The following RAB2A variants were observed in gnomAD, a reference collection of about 807,000 sequenced individuals.
RAB2A encodes RAB2A, member RAS oncogene family.
A neutral mutation model predicts 32.5 loss-of-function variants in RAB2A; 7 were observed. The observed-to-expected ratio is 0.22, with a 90% CI of 0.12 to 0.40. RAB2A has a LOEUF of 0.40. Among genes scored for constraint, RAB2A ranks in the 10% least tolerant of loss-of-function variants. RAB2A has a pLI of 1.00. For synonymous variants in RAB2A, 79 were observed against 85.2 expected (o/e 0.93, Z 0.40); for missense variants, 108 against 260.7 (o/e 0.41, Z 4.03).
At chr8:60,620,280 A>C (rs1281494518) in intron 7 of RAB2A, among the ~76,000 whole-genome samples, 1 of 152,264 alleles carries the variant, frequency 6.6e-6, no homozygotes, top group Non-Finnish European at 1.5e-5. Flanking sequence ...CAGCTGATTC[A>C]ACATGGAACA....
rs62510249 is a variant in RAB2A at position 60,573,071 on chromosome 8, C to G, written c.186+958C>G. ...ATTGAAGTATATTAAGAAAATCCAG[C>G]CTCACACAAATAGTTGGGAAATGGA... On this transcript the variant is annotated intron_variant, in intron 3 of 7. Coordinates refer to ENST00000262646, the MANE Select transcript of RAB2A (RefSeq NM_002865.3). Among the ~76,000 whole-genome samples the G allele has an allele frequency of 6.3e-3, 655 of 104,420 alleles. 4 individuals are homozygous for G. Among genetic ancestry groups the G allele is most frequent in the Middle Eastern group, 0.011 (2 of 180 alleles). 68.5% of individuals were successfully genotyped at this position (104,420 alleles called of 152,430 possible). A position where few individuals can be genotyped will look rare whatever the true frequency, so the allele number is the denominator to read the frequency against.
chr8:60,603,651 T>C (rs1804175804), intron 6 of RAB2A, among the ~76,000 whole-genome samples: 1 of 152,148 alleles, frequency 6.6e-6, no homozygotes, highest in African/African-American at 2.4e-5. Flanking sequence ...CTCAAGGAAA[T>C]GAAGCACCCA....
intron 3 of RAB2A, among the ~76,000 whole-genome samples, chr8:60,573,550 G>GT (rs1361224909): frequency 6.6e-6 from 1 of 152,000 alleles, no homozygotes; most frequent in Non-Finnish European, 1.5e-5. Flanking sequence ...GGGTTCTTGT[G>GT]TTTTTTTGCC....
chr8:60,539,571 G>A (rs1807607346), intron 1 of RAB2A, among the ~76,000 whole-genome samples: 1 of 152,170 alleles, frequency 6.6e-6, no homozygotes. Context: ...GAAGGCATAA[G>A]TTCACCAAAT....
chr8:60,522,243 C>T (rs1003556979), intron 1 of RAB2A, among the ~76,000 whole-genome samples: 7 of 152,170 alleles, frequency 4.6e-5, no homozygotes, highest in African/African-American at 1.7e-4. Flanking sequence ...CAGTAGAGGT[C>T]AGGGACTATT....
chr8:60,538,225 T>TA (rs1366539064), intron 1 of RAB2A, among the ~76,000 whole-genome samples: 1 of 152,206 alleles, frequency 6.6e-6, no homozygotes, highest in Non-Finnish European at 1.5e-5. Flanking sequence ...TTTGCAAAAA[T>TA]ACTGCACTTG....
At chr8:60,574,483 C>T (rs1265191043) in intron 3 of RAB2A, among the ~76,000 whole-genome samples, 1 of 152,128 alleles carries the variant, frequency 6.6e-6, no homozygotes. Flanking sequence ...TAAAGTACAT[C>T]GTTTTGAAAA....
chr8:60,530,144 C>CTTT (rs1270851648), intron 1 of RAB2A, among the ~76,000 whole-genome samples: 5 of 104,146 alleles, frequency 4.8e-5, no homozygotes, highest in Non-Finnish European at 8.0e-5. Flanking sequence ...ATTTTTTTTT[C>CTTT]TTTTTTTTTT....
chr8:60,540,996 G>A (rs542236335), intron 1 of RAB2A, among the ~76,000 whole-genome samples: 1 of 152,150 alleles, frequency 6.6e-6, no homozygotes, highest in Non-Finnish European at 1.5e-5. Flanking sequence ...GGAAAAGAGG[G>A]GGAAAGTTCC....
chr8:60,595,506 A>C (rs1482567609), intron 6 of RAB2A, among the ~76,000 whole-genome samples: 1 of 152,240 alleles, frequency 6.6e-6, no homozygotes, highest in Non-Finnish European at 1.5e-5. Context: ...TAAGAAACTC[A>C]CTCCAAATAC....
intron 1 of RAB2A, among the ~76,000 whole-genome samples, chr8:60,523,950 A>G (rs1317334105): frequency 6.6e-6 from 1 of 151,930 alleles, no homozygotes; most frequent in Non-Finnish European, 1.5e-5. Flanking sequence ...TCGGCCTCCA[A>G]ATTTTTGCTT....
chr8:60,545,185 C>A (rs1807708669), intron 1 of RAB2A, among the ~76,000 whole-genome samples: 3 of 151,374 alleles, frequency 2.0e-5, no homozygotes, highest in Admixed American at 2.0e-4. Context: ...TACCCAGCAC[C>A]TACTCGTATT....
Position 60,517,147 on chromosome 8 carries a change from G to T in RAB2A, c.-61G>T, listed in dbSNP as rs79202491. The T allele has an allele frequency of 1.5e-4, 218 of 1,452,526 alleles. No homozygotes were observed. The African/African-American group carries it at 2.8e-3, about 19-fold the overall frequency. 90.0% of individuals were successfully genotyped at this position (1,452,526 alleles called of 1,614,324 possible). ...GGCTGAGCGGCACCGGGGTTGGGGC[G>T]CGGAGGAGGAGCAGCAGCGGGAGGA... On this transcript the variant is annotated 5_prime_UTR_variant, in exon 1 of 8. Coordinates refer to ENST00000262646, the MANE Select transcript of RAB2A (RefSeq NM_002865.3).
intron 1 of RAB2A, among the ~76,000 whole-genome samples, chr8:60,547,418 TC>T (rs1807750534): frequency 6.6e-6 from 1 of 152,100 alleles, no homozygotes; most frequent in Non-Finnish European, 1.5e-5. Flanking sequence ...TGGCTATACC[TC>T]CCAGACGGGG....
intron 6 of RAB2A, among the ~76,000 whole-genome samples, chr8:60,601,522 GA>G (rs774051448): frequency 5.3e-5 from 8 of 152,104 alleles, no homozygotes; most frequent in Non-Finnish European, 8.8e-5. Context: ...ACTTCTAGTA[GA>G]AACAAGGTTT....
At chr8:60,561,012 CT>C (rs957476276) in intron 2 of RAB2A, among the ~76,000 whole-genome samples, 1 of 152,208 alleles carries the variant, frequency 6.6e-6, no homozygotes, top group African/African-American at 2.4e-5. Flanking sequence ...AACCAAGGAT[CT>C]TTTTCTCCTT....
chr8:60,602,914 G>A (rs955468165), intron 6 of RAB2A, among the ~76,000 whole-genome samples: 1 of 152,202 alleles, frequency 6.6e-6, no homozygotes, highest in African/African-American at 2.4e-5. Context: ...GTTTAGCACA[G>A]TGGGTAGAAA....
chr8:60,575,093 G>T (rs59222429), intron 3 of RAB2A, among the ~76,000 whole-genome samples: 11,477 of 128,138 alleles, frequency 0.09, 927 homozygotes, highest in African/African-American at 0.22. Flanking sequence ...TTTTTTGGGG[G>T]TTTTTTTTTT....
chr8:60,605,065 T>A (rs1018173539), intron 6 of RAB2A, among the ~76,000 whole-genome samples: 6 of 148,004 alleles, frequency 4.1e-5, no homozygotes, highest in African/African-American at 1.3e-4. Flanking sequence ...AGGGCCAGGG[T>A]CAGGGCCCCA....
Sources: gnomAD v4.1 joint callset for allele counts (sites outside exome capture counted in the v4.1 genomes callset) on GRCh38, gnomAD v4.1.1 for gene constraint, MANE v1.5 for transcripts, NCBI Gene and HGNC (gene_info 2026-07-23, HGNC 2026-07-21) for gene names.